KANSL1: variants seen among roughly 807,000 people sequenced by gnomAD.
KANSL1 encodes KAT8 regulatory NSL complex subunit 1.
In KANSL1, 22 loss-of-function variants were observed where a neutral mutation model predicts 103.6. That is an observed-to-expected ratio of 0.21 (90% CI 0.15 to 0.30). The LOEUF (loss-of-function observed/expected upper bound fraction) is 0.30. KANSL1 is among the 10% of genes least tolerant of loss of function. The pLI, the probability that KANSL1 is intolerant of heterozygous loss-of-function variation, is 1.00. For missense variants in KANSL1, 1,337 were observed against 1,399.8 expected (o/e 0.96, Z 0.72); for synonymous variants, 600 against 527.6 (o/e 1.14, Z -1.88).
At chr17:46,130,187 C>CAAAAAAAAAAAAATAAAAAAA (rs2043786037) in intron 2 of KANSL1, among the ~76,000 whole-genome samples, 1 of 75,472 alleles carries the variant, frequency 1.3e-5, no homozygotes, top group Admixed American at 1.4e-4. Flanking sequence ...ATCCTGTCTC[C>CAAAAAAAAAAAAATAAAAAAA]AAAAAAAAAA....
At chr17:46,137,045 G>C (rs1177174589) in intron 2 of KANSL1, among the ~76,000 whole-genome samples, 1 of 152,216 alleles carries the variant, frequency 6.6e-6, no homozygotes, top group Non-Finnish European at 1.5e-5. Flanking sequence ...TTTGGGGTGA[G>C]TGTAGGGCAC....
intron 2 of KANSL1, among the ~76,000 whole-genome samples, chr17:46,162,864 A>G (rs1345203551): frequency 2.6e-5 from 4 of 152,242 alleles, no homozygotes; most frequent in Non-Finnish European, 5.9e-5. Flanking sequence ...AAAATACACT[A>G]TACTTTGCTC....
chr17:46,183,818 T>C (rs944101320), intron 1 of KANSL1, among the ~76,000 whole-genome samples: 42 of 152,088 alleles, frequency 2.8e-4, no homozygotes, highest in African/African-American at 1.0e-3. Flanking sequence ...AAGGCTGAGG[T>C]ACAAGAATCA....
At chr17:46,041,961 G>A (rs2077340668) in intron 7 of KANSL1, 1 of 150,612 alleles carries the variant, frequency 6.6e-6, no homozygotes, top group Admixed American at 6.6e-5. Flanking sequence ...AGGCTGGAGT[G>A]CAGTGGTACC....
At chr17:46,056,170 G>T (rs932455626) in intron 6 of KANSL1, among the ~76,000 whole-genome samples, 3 of 152,094 alleles carry the variant, frequency 2.0e-5, no homozygotes, top group Non-Finnish European at 2.9e-5. Flanking sequence ...GCTAATTTCT[G>T]TATTTTTAGT....
intron 3 of KANSL1, chr17:46,093,389 C>A (rs1453166712): frequency 6.6e-6 from 1 of 152,208 alleles, no homozygotes; most frequent in Non-Finnish European, 1.5e-5. Flanking sequence ...TTGTATGCTA[C>A]CCTAAGGGAA....
intron 2 of KANSL1, among the ~76,000 whole-genome samples, chr17:46,124,266 T>C (rs2043416810): frequency 6.6e-6 from 1 of 152,210 alleles, no homozygotes; most frequent in Non-Finnish European, 1.5e-5. Flanking sequence ...TATGCTACAT[T>C]TACTCTGCCT....
At chr17:46,082,398 C>G in intron 4 of KANSL1, 43 bp downstream of exon 4, 1 of 1,319,414 alleles carries the variant, frequency 7.6e-7, no homozygotes, top group Non-Finnish European at 1.1e-6. Flanking sequence ...AGACAACACC[C>G]TTAATTCTCA....
At chr17:46,144,737 G>A (rs2044609435) in intron 2 of KANSL1, among the ~76,000 whole-genome samples, 1 of 152,142 alleles carries the variant, frequency 6.6e-6, no homozygotes, top group Admixed American at 6.5e-5. Flanking sequence ...GGCTAGTAGT[G>A]ATGATTTTGC....
At chr17:46,110,331 A>G (rs2042748305) in intron 2 of KANSL1, among the ~76,000 whole-genome samples, 1 of 152,238 alleles carries the variant, frequency 6.6e-6, no homozygotes, top group Non-Finnish European at 1.5e-5. Flanking sequence ...TCACAAATGA[A>G]GTGCTTACTC....
intron 4 of KANSL1, among the ~76,000 whole-genome samples, chr17:46,079,767 A>G (rs1344613206): frequency 6.6e-6 from 1 of 152,164 alleles, no homozygotes; most frequent in African/African-American, 2.4e-5. Flanking sequence ...GCTTGTGCTG[A>G]GGAGTTTGAG....
intron 1 of KANSL1, among the ~76,000 whole-genome samples, chr17:46,184,223 A>G (rs1314536740): frequency 6.6e-6 from 1 of 152,246 alleles, no homozygotes. Context: ...AGAAAAGATG[A>G]CATACTGACT....
chr17:46,050,446 T>C, intron 7 of KANSL1, 87 bp downstream of exon 7: 7 of 1,342,134 alleles, frequency 5.2e-6, no homozygotes, highest in Non-Finnish European at 6.1e-6. Flanking sequence ...AGTATCTGAG[T>C]TGTAACTGCA....
At chr17:46,081,254 T>TA (rs2078979023) in intron 4 of KANSL1, among the ~76,000 whole-genome samples, 1 of 152,200 alleles carries the variant, frequency 6.6e-6, no homozygotes, top group South Asian at 2.1e-4. Context: ...ACATAGAACT[T>TA]ACTCCCCTAT....
At chr17:46,033,795 C>T (rs1405063109) in intron 11 of KANSL1, among the ~76,000 whole-genome samples, 2 of 152,184 alleles carry the variant, frequency 1.3e-5, no homozygotes, top group Non-Finnish European at 2.9e-5. Context: ...AAATGCATAC[C>T]CAGGGTTGCC....
intron 2 of KANSL1, among the ~76,000 whole-genome samples, chr17:46,137,866 CAAAA>C (rs368446805): frequency 9.7e-5 from 9 of 92,462 alleles, no homozygotes; most frequent in African/African-American, 3.3e-4. Context: ...GACTCTGTCT[CAAAA>C]AAAAAAAAAA....
In KANSL1 at chr17:46,101,754, CAAAAAAAAAA is replaced by C. The variant is rs372439614; in HGVS notation, c.1290-7063_1290-7054del. 8.5e-5 allele frequency among the ~76,000 whole-genome samples: 8 copies of C among 93,658 alleles called. 1 individual carries two copies. The Middle Eastern group carries it at 0.018, about 214-fold the overall frequency. The allele number at this position is 93,658 out of a possible 152,430, so 61.4% of individuals were successfully genotyped here. On this transcript the variant is annotated intron_variant, in intron 2 of 14. Coordinates refer to ENST00000432791, the MANE Select transcript of KANSL1 (RefSeq NM_015443.4). ...GGGGGACAGAGCAAGACTCTGTCTA[CAAAAAAAAAA>C]AAAAAAAAAAAAAAAGAAATAACAA...
upstream of KANSL1, among the ~76,000 whole-genome samples, chr17:46,194,102 C>T (rs2047519014): frequency 6.6e-6 from 1 of 152,210 alleles, no homozygotes; most frequent in Admixed American, 6.5e-5. Flanking sequence ...CAGCCAGGGC[C>T]CGCGCCGGGC....
chr17:46,215,982 G>A (rs1011818013), intron 1 of KANSL1, among the ~76,000 whole-genome samples: 6 of 152,240 alleles, frequency 3.9e-5, no homozygotes, highest in African/African-American at 9.6e-5. Flanking sequence ...AGAGGCTGCC[G>A]TGAGCCGAGA....
Sources: gnomAD v4.1 joint callset for allele counts (sites outside exome capture counted in the v4.1 genomes callset) on GRCh38, gnomAD v4.1.1 for gene constraint, MANE v1.5 for transcripts, NCBI Gene and HGNC (gene_info 2026-07-23, HGNC 2026-07-21) for gene names.